Variants in XKR6 observed in about 807,000 individuals in gnomAD.
The protein encoded by XKR6 is XK related 6.
A neutral mutation model predicts 56.7 loss-of-function variants in XKR6; 22 were observed. The observed-to-expected ratio is 0.39, with a 90% CI of 0.28 to 0.55. The LOEUF is 0.55. Ranked by LOEUF, XKR6 falls within the 20% of genes least tolerant of loss-of-function variation. The pLI, the probability that XKR6 is intolerant of heterozygous loss-of-function variation, is 0.66. For missense variants in XKR6, 852 were observed against 889.0 expected (o/e 0.96, Z 0.53); for synonymous variants, 524 against 387.8 (o/e 1.35, Z -4.13).
At chr8:11,144,441 G>C in intron 1 of XKR6, among the ~76,000 whole-genome samples, 1 of 151,628 alleles carries the variant, frequency 6.6e-6, no homozygotes, top group East Asian at 1.9e-4. Context: ...TCGAGAAGCA[G>C]GAAGTAGACT....
chr8:10,944,723 C>T lies in XKR6; in HGVS notation c.765-19893G>A, dbSNP rs576494428. Among the ~76,000 whole-genome samples, 5 of 152,296 alleles carry T rather than the reference C, an allele frequency of 3.3e-5. No homozygotes were observed. In the South Asian group the frequency reaches 6.2e-4, roughly 19 times the overall value. ...TCTATGCTCCCCTCCACCCTGCACA[C>T]ACCCTGCCCCCAACATACCCTAGAG... On this transcript the variant is annotated intron_variant, in intron 1 of 2. Transcript: ENST00000416569.
intron 1 of XKR6, among the ~76,000 whole-genome samples, chr8:11,008,418 C>CCTTTT (rs1798422726): frequency 9.6e-6 from 1 of 104,144 alleles, no homozygotes; most frequent in Non-Finnish European, 1.9e-5. Context: ...GCTCCCCAGG[C>CCTTTT]TTTTTTTTTT....
At chr8:10,952,227 C>T (rs987145472) in intron 1 of XKR6, among the ~76,000 whole-genome samples, 4 of 152,258 alleles carry the variant, frequency 2.6e-5, no homozygotes, top group South Asian at 2.1e-4. Flanking sequence ...CTCCCCGTGA[C>T]GTTCCCGCTC....
chr8:10,960,395 C>A (rs1802027540), intron 1 of XKR6, among the ~76,000 whole-genome samples: 1 of 152,178 alleles, frequency 6.6e-6, no homozygotes, highest in Non-Finnish European at 1.5e-5. Flanking sequence ...CAGATGACTG[C>A]CCCAGTCTCC....
chr8:10,960,535 G>A (rs1214337021), intron 1 of XKR6, among the ~76,000 whole-genome samples: 2 of 152,176 alleles, frequency 1.3e-5, no homozygotes, highest in Admixed American at 6.5e-5. Context: ...AAAACTCATC[G>A]AATTTCCACT....
intron 1 of XKR6, among the ~76,000 whole-genome samples, chr8:10,986,108 A>G (rs912819055): frequency 6.6e-6 from 1 of 152,264 alleles, no homozygotes; most frequent in African/African-American, 2.4e-5. Context: ...TGGAGATATT[A>G]CAAAGACCAG....
Position 11,200,562 on chromosome 8 carries a change from C to G in XKR6, c.764+14G>C. 2.1e-6 allele frequency: 3 copies of G among 1,455,294 alleles called. No homozygotes were observed. Among genetic ancestry groups the G allele is most frequent in the South Asian group, 1.5e-5 (1 of 68,550 alleles). The allele number at this position is 1,455,294 out of a possible 1,614,324, so 90.1% of individuals were successfully genotyped here. ...CCTCAGGGCCGGCCCGCCCCCACCC[C>G]GCAGTGCTCTTACCTCCACACCTGC... On this transcript the variant is annotated intron_variant, in intron 1 of 2. Coordinates refer to ENST00000416569, the MANE Select transcript of XKR6 (RefSeq NM_173683.4). The surrounding 1 kb of genome is among the most constrained non-coding windows in gnomAD (Gnocchi z 6.4).
At chr8:11,018,015 G>T (rs985826828) in intron 1 of XKR6, among the ~76,000 whole-genome samples, 1 of 152,110 alleles carries the variant, frequency 6.6e-6, no homozygotes, top group African/African-American at 2.4e-5. Flanking sequence ...TGACAAAGGT[G>T]CACAACCCCG....
rs1304267411 is a variant in XKR6, at chr8:10,912,327, T to TATAC, written c.961+12306_961+12307insGTAT. Among the ~76,000 whole-genome samples, 49 of 122,014 alleles carry TATAC rather than the reference T, an allele frequency of 4.0e-4. 1 individual carries two copies. In the Admixed American group the frequency reaches 4.3e-3, roughly 11 times the overall value. 80.0% of individuals were successfully genotyped at this position (122,014 alleles called of 152,430 possible). Reference sequence around the variant, plus strand: ...GGGTGTATATATATATATATATATATATATATATATATATATGGAGAGAGA... The same window carrying TATAC: ...GGGTGTATATATATATATATATATATATACATATATATATATATATGGAGAGAGA... On this transcript the variant is annotated intron_variant, in intron 2 of 2. Coordinates refer to ENST00000416569, the MANE Select transcript of XKR6 (RefSeq NM_173683.4).
chr8:11,082,529 C>G (rs2409690), intron 1 of XKR6, among the ~76,000 whole-genome samples: 148,057 of 152,352 alleles, frequency 0.97, 71,968 homozygotes, highest in East Asian at 1. Context: ...TGTCTCTGAC[C>G]GTCTTGTCTG....
chr8:11,192,907 T>G (rs1803659987), intron 1 of XKR6, among the ~76,000 whole-genome samples: 1 of 152,190 alleles, frequency 6.6e-6, no homozygotes, highest in African/African-American at 2.4e-5. Flanking sequence ...TAGATTGCCC[T>G]GCCTGCTCAA....
chr8:11,160,396 A>T (rs763732262), intron 1 of XKR6, among the ~76,000 whole-genome samples: 13 of 152,272 alleles, frequency 8.5e-5, no homozygotes, highest in Non-Finnish European at 1.3e-4. Context: ...ATGGGGAAAA[A>T]AAAAAGGAAT....
At chr8:10,951,189 G>T (rs1377768234) in intron 1 of XKR6, among the ~76,000 whole-genome samples, 1 of 152,120 alleles carries the variant, frequency 6.6e-6, no homozygotes, top group African/African-American at 2.4e-5. Context: ...TCAGTTTCCA[G>T]GCAGAGGTAG....
intron 1 of XKR6, among the ~76,000 whole-genome samples, chr8:10,988,335 G>T (rs773546669): frequency 6.6e-6 from 1 of 152,354 alleles, no homozygotes; most frequent in Admixed American, 6.5e-5. Flanking sequence ...CAATGAATGA[G>T]TAGGTGAATT....
intron 1 of XKR6, among the ~76,000 whole-genome samples, chr8:11,094,533 A>C (rs1434569978): frequency 6.6e-6 from 1 of 152,054 alleles, no homozygotes; most frequent in Non-Finnish European, 1.5e-5. Context: ...TTCCCTCTCA[A>C]ATGGATCAGA....
Position 11,132,681 on chromosome 8 carries a change from C to T in XKR6, c.764+67895G>A, listed in dbSNP as rs1380141227. Among the ~76,000 whole-genome samples the T allele has an allele frequency of 4.6e-5, 7 of 151,948 alleles. No individual in the cohort carries two copies. The East Asian group carries it at 1.4e-3, about 29-fold the overall frequency. On this transcript the variant is annotated intron_variant, in intron 1 of 2. Transcript: ENST00000416569. ...CTGGTCAACTTTGTTACTTAAAGTT[C>T]TATGTCATACCTGGCAATGGCCTAA...
At chr8:11,165,122 C>T (rs1299034852) in intron 1 of XKR6, among the ~76,000 whole-genome samples, 2 of 88,120 alleles carry the variant, frequency 2.3e-5, no homozygotes, top group African/African-American at 9.1e-5. Context: ...TTTTTTGAGA[C>T]AGAGTGTCGC....
In XKR6 at chr8:10,966,831, C is replaced by T. The variant is rs533247339; in HGVS notation, c.765-42001G>A. ...TGGGGCGCACTGACGTCTGAGAAGC[C>T]GTGGTCTAAACCTTGGCCACCTGTG... On this transcript the variant is annotated intron_variant, in intron 1 of 2. Coordinates refer to ENST00000416569, the MANE Select transcript of XKR6 (RefSeq NM_173683.4). Among the ~76,000 whole-genome samples the T allele has an allele frequency of 6.6e-5, 10 of 152,286 alleles. No individual in the cohort carries two copies. The South Asian group carries it at 1.7e-3, about 25-fold the overall frequency.
chr8:11,057,878 C>A (rs1392070344), intron 1 of XKR6, among the ~76,000 whole-genome samples: 1 of 152,158 alleles, frequency 6.6e-6, no homozygotes, highest in Admixed American at 6.5e-5. Flanking sequence ...TGAATCACAG[C>A]GCTGAGCACC....
Sources: gnomAD v4.1 joint callset for allele counts (sites outside exome capture counted in the v4.1 genomes callset) on GRCh38, gnomAD v4.1.1 for gene constraint, Gnocchi (gnomAD v3.1) non-coding constraint, MANE v1.5 for transcripts, NCBI Gene and HGNC (gene_info 2026-07-23, HGNC 2026-07-21) for gene names.